EGF: variants seen among roughly 807,000 people sequenced by gnomAD.
The protein encoded by EGF is epidermal growth factor, also known as pro-epidermal growth factor.
A neutral mutation model predicts 143.8 loss-of-function variants in EGF; 95 were observed. That is an observed-to-expected ratio of 0.66 (90% CI 0.56 to 0.78). The LOEUF (loss-of-function observed/expected upper bound fraction) is 0.78, where lower values mean the gene tolerates loss of function less well. Ranked by LOEUF, EGF falls within the 30% of genes least tolerant of loss-of-function variation. The pLI is 0.00. For missense variants in EGF, 1,320 were observed against 1,470.9 expected (o/e 0.90, Z 1.68); for synonymous variants, 510 against 510.5 (o/e 1.00, Z 0.01).
intron 11 of EGF, among the ~76,000 whole-genome samples, chr4:109,970,761 C>A (rs1402010876): frequency 7.1e-6 from 1 of 140,398 alleles, no homozygotes; most frequent in Non-Finnish European, 1.5e-5. Flanking sequence ...GAAGGCGGAG[C>A]TTGCAGTGAG....
At chr4:109,929,454 CTGTTAGAG>C (rs1163670471) in intron 1 of EGF, among the ~76,000 whole-genome samples, 2 of 152,062 alleles carry the variant, frequency 1.3e-5, no homozygotes, top group African/African-American at 2.4e-5. Context: ...ACCACCCACC[CTGTTAGAG>C]TGTTAGAGTG....
intron 19 of EGF, 119 bp from the exon 20 acceptor site, chr4:109,994,614 T>C: frequency 1.7e-6 from 2 of 1,190,108 alleles, no homozygotes; most frequent in Non-Finnish European, 2.5e-6. Context: ...CTTCTAGTAG[T>C]TCTTCTGTCA....
At chr4:110,005,036 CTTTT>C (rs538062029) in intron 22 of EGF, among the ~76,000 whole-genome samples, 5 of 80,738 alleles carry the variant, frequency 6.2e-5, no homozygotes, top group South Asian at 1.2e-3. Context: ...TTTTCTCTGT[CTTTT>C]TTTTTTTTTT....
intron 5 of EGF, among the ~76,000 whole-genome samples, chr4:109,955,496 A>G (rs1273817298): frequency 1.3e-5 from 2 of 152,336 alleles, no homozygotes; most frequent in Non-Finnish European, 2.9e-5. Context: ...GTCTGAATTC[A>G]GGTCACGTCA....
At chr4:109,978,387 A>T (rs1748832053) in intron 13 of EGF, among the ~76,000 whole-genome samples, 1 of 152,252 alleles carries the variant, frequency 6.6e-6, no homozygotes, top group Non-Finnish European at 1.5e-5. Flanking sequence ...GATTATGTCT[A>T]GTGTGAGGTA....
chr4:109,968,707 T>TCTATCTATCTATCTAC (rs139653683), intron 10 of EGF: 94 of 351,478 alleles, frequency 2.7e-4, no homozygotes, highest in African/African-American at 1.0e-3. Context: ...TATCTATCTA[T>TCTATCTATCTATCTAC]CTACCTACCT....
In EGF at chr4:109,958,299, C is replaced by T. The variant is rs139792911; in HGVS notation, c.941-1013C>T. Among the ~76,000 whole-genome samples, 4 of 152,244 alleles carry T rather than the reference C, an allele frequency of 2.6e-5. No homozygotes were observed. The East Asian group carries it at 7.7e-4, about 29-fold the overall frequency. On this transcript the variant is annotated intron_variant, in intron 5 of 23. Coordinates refer to ENST00000265171, the MANE Select transcript of EGF (RefSeq NM_001963.6). ...TGGAATTTTTTTTCCCAAATATTTTCAGTCCTAAGTTGGTTGAATCCACAG... is the reference window on the plus strand; with the variant it reads ...TGGAATTTTTTTTCCCAAATATTTTTAGTCCTAAGTTGGTTGAATCCACAG...
intron 19 of EGF, 105 bp from the exon 20 acceptor site, chr4:109,994,628 A>G: frequency 2.2e-6 from 3 of 1,344,176 alleles, no homozygotes; most frequent in Non-Finnish European, 3.2e-6. Context: ...TCTGTCACTA[A>G]AAGATTTATG....
At chr4:109,960,716 C>A in intron 6 of EGF, 151 bp from the exon 7 acceptor site, 1 of 784,826 alleles carries the variant, frequency 1.3e-6, no homozygotes, top group South Asian at 1.8e-5. Flanking sequence ...CTTATTTTAC[C>A]CTTTGCTAGA....
At chr4:109,988,213 C>T (rs1289476906) in intron 17 of EGF, among the ~76,000 whole-genome samples, 1 of 146,400 alleles carries the variant, frequency 6.8e-6, no homozygotes, top group Non-Finnish European at 1.5e-5. Flanking sequence ...TTTTTTTTAC[C>T]CCAGAAGCTT....
At chr4:109,977,789 G>A (rs1260940844) in intron 13 of EGF, among the ~76,000 whole-genome samples, 3 of 152,178 alleles carry the variant, frequency 2.0e-5, no homozygotes, top group African/African-American at 4.8e-5. Flanking sequence ...GTAGTGAGCC[G>A]TGATTGTGCA....
intron 20 of EGF, among the ~76,000 whole-genome samples, chr4:109,995,914 C>T (rs180989904): frequency 1.3e-5 from 2 of 152,150 alleles, no homozygotes; most frequent in African/African-American, 2.4e-5. Flanking sequence ...TGAAAAATTG[C>T]TCATGAATAC....
chr4:109,980,194 T>G, intron 14 of EGF, 55 bp downstream of exon 14: 6 of 1,533,292 alleles, frequency 3.9e-6, no homozygotes, highest in Non-Finnish European at 5.3e-6. Flanking sequence ...GCAACTGTTT[T>G]AATTGTTTGA....
Position 109,962,188 on chromosome 4 carries a change from C to T in EGF, c.1312+203C>T, listed in dbSNP as rs929446. Among the ~76,000 whole-genome samples the T allele has an allele frequency of 0.55, 83,033 of 152,070 alleles. 25,462 individuals carry two copies. The highest frequency in any genetic ancestry group is 0.83 in the African/African-American group (34,426 of 41,526). ...TTTTGTTTTTGTTTAGACAGCATAG[C>T]GTCTAACTTATGAGCAAGGGCTTTG... On this transcript the variant is annotated intron_variant, in intron 8 of 23. Transcript: ENST00000265171.
chr4:109,981,036 C>A, intron 15 of EGF, 61 bp downstream of exon 15: 1 of 1,597,474 alleles, frequency 6.3e-7, no homozygotes, highest in Non-Finnish European at 8.6e-7. Flanking sequence ...AGCTGTACAT[C>A]AATCTTTATG....
In EGF at chr4:109,978,024, CT is replaced by C. The variant is rs1167204174; in HGVS notation, c.2053+1790del. On this transcript the variant is annotated intron_variant, in intron 13 of 23. Coordinates refer to ENST00000265171, the MANE Select transcript of EGF (RefSeq NM_001963.6). ...CTACTATATTGTATGACTAATACAA[CT>C]ATTGAAGGCCATTATCAAATAATTT... is the stretch of plus-strand genomic sequence containing the variant. 6.6e-5 allele frequency among the ~76,000 whole-genome samples: 10 copies of C among 152,138 alleles called. No homozygotes were observed. The East Asian group carries it at 1.9e-3, about 29-fold the overall frequency.
intron 1 of EGF, among the ~76,000 whole-genome samples, chr4:109,913,994 C>T (rs1309857339): frequency 6.6e-6 from 1 of 152,174 alleles, no homozygotes; most frequent in African/African-American, 2.4e-5. Context: ...CCCACTCTTA[C>T]TGTTTCTGAG....
At chr4:109,945,771 A>G (rs569057055) in intron 5 of EGF, among the ~76,000 whole-genome samples, 1 of 152,298 alleles carries the variant, frequency 6.6e-6, no homozygotes, top group Admixed American at 6.5e-5. Flanking sequence ...TTGAGTTTCT[A>G]TGAGTAGCAA....
At chr4:110,009,983 C>T (rs973451007) in intron 23 of EGF, among the ~76,000 whole-genome samples, 4 of 152,114 alleles carry the variant, frequency 2.6e-5, no homozygotes, top group East Asian at 1.9e-4. Context: ...ACCTGTAATC[C>T]GAGCACTTTG....
Sources: gnomAD v4.1 joint callset for allele counts (sites outside exome capture counted in the v4.1 genomes callset) on GRCh38, gnomAD v4.1.1 for gene constraint, MANE v1.5 for transcripts, NCBI Gene and HGNC (gene_info 2026-07-23, HGNC 2026-07-21) for gene names.